DCAF4: variants seen among roughly 807,000 people sequenced by gnomAD.
DCAF4 encodes the protein DDB1 and CUL4 associated factor 4.
DCAF4 carries 37 observed loss-of-function variants against 60.9 expected under a neutral mutation model. The ratio of observed to expected loss-of-function variants is 0.61; its 90% CI spans 0.47 to 0.80. DCAF4 has a LOEUF of 0.80. Among genes scored for constraint, DCAF4 ranks in the 30% least tolerant of loss-of-function variants. The pLI is 0.00. For synonymous variants in DCAF4, 243 were observed against 254.8 expected (o/e 0.95, Z 0.44); for missense variants, 577 against 650.0 (o/e 0.89, Z 1.22).
At position 72,958,727 on chromosome 14, in the gene DCAF4, G is replaced by A. The variant is rs146264573; in HGVS notation, c.1410G>A (p.Ser470=). ...KADIPSVAFS[S]RLGGSRGAPG... ...ACATTCCCAGTGTGGCCTTCTCGTC[G>A]CGGCTGGGGGGCTCCCGGGGCGCGC... is the stretch of plus-strand genomic sequence containing the variant. The change falls in exon 14 of 14, where the codon TCG becomes TCA. Residue 470 remains serine (S), a synonymous_variant. Transcript: ENST00000358377. The A allele has an allele frequency of 2.4e-3, 3,875 of 1,613,344 alleles. 6 individuals carry two copies. The highest frequency in any genetic ancestry group is 3.0e-3 in the Non-Finnish European group (3,530 of 1,179,700).
chr14:72,955,372 C>G (rs1444558320), intron 11 of DCAF4, 151 bp from the exon 12 acceptor site: 3 of 893,698 alleles, frequency 3.4e-6, no homozygotes, highest in Non-Finnish European at 5.2e-6. Context: ...TCCCTTCCAA[C>G]TCCATTGAGA....
At position 72,959,629 on chromosome 14, in the gene DCAF4, A is replaced by G. The variant is rs972127272; in HGVS notation, c.*824A>G. The stretch of plus-strand genomic sequence containing the variant: ...AAAGAGCCTGTTTTTCTACCAAACA[A>G]TAAAACCAAGAGAAGAATCATGGTG... On this transcript the variant is annotated 3_prime_UTR_variant, in exon 14 of 14. Transcript: ENST00000358377. The G allele has an allele frequency of 2.0e-6, 2 of 985,348 alleles. No homozygotes were observed. Among genetic ancestry groups the G allele is most frequent in the Middle Eastern group, 5.2e-4 (1 of 1,936 alleles). The allele number at this position is 985,348 out of a possible 1,614,324, so 61.0% of individuals were successfully genotyped here. A position where few individuals can be genotyped will look rare whatever the true frequency, so the allele number is the denominator to read the frequency against.
downstream of DCAF4, among the ~76,000 whole-genome samples, chr14:72,961,616 C>T (rs189497412): frequency 1.7e-4 from 26 of 152,368 alleles, no homozygotes; most frequent in East Asian, 4.4e-3. Context: ...ACAGTCTTCC[C>T]GCAATTATTC....
At chr14:72,942,913 G>A (rs746769933) in intron 5 of DCAF4, 81 bp from the exon 6 acceptor site, 212 of 1,291,216 alleles carry the variant, frequency 1.6e-4, no homozygotes, top group Non-Finnish European at 2.2e-4. Flanking sequence ...GCGTCAGCGG[G>A]GCAGGGAAGG....
intron 1 of DCAF4, among the ~76,000 whole-genome samples, chr14:72,937,339 T>C (rs1297399915): frequency 2.0e-5 from 3 of 151,684 alleles, no homozygotes; most frequent in Non-Finnish European, 2.9e-5. Flanking sequence ...AGAAGACAAT[T>C]AGTAAAGGCA....
At position 72,959,269 on chromosome 14, in the gene DCAF4, G is replaced by A. The variant is rs922210880; in HGVS notation, c.*464G>A. 14 of 986,558 alleles carry A rather than the reference G, an allele frequency of 1.4e-5. No individual in the cohort carries two copies. In the East Asian group the frequency reaches 4.5e-4, roughly 32 times the overall value. The allele number at this position is 986,558 out of a possible 1,614,324, so 61.1% of individuals were successfully genotyped here. The stretch of plus-strand genomic sequence containing the variant: ...ACTTGGGGAAGCCAGCGGAGAGGAC[G>A]GGGAGGTTACTTCTCTAAGTTTCTG... On this transcript the variant is annotated 3_prime_UTR_variant, in exon 14 of 14. Coordinates refer to ENST00000358377, the MANE Select transcript of DCAF4 (RefSeq NM_015604.4).
At chr14:72,949,139 C>T (rs1188697216) in intron 8 of DCAF4, among the ~76,000 whole-genome samples, 1 of 152,180 alleles carries the variant, frequency 6.6e-6, no homozygotes, top group Non-Finnish European at 1.5e-5. Context: ...ATACACATCA[C>T]ATACTCAGAT....
At position 72,940,583 on chromosome 14, in the gene DCAF4, G is replaced by A. The variant is rs912275023; in HGVS notation, c.351+206G>A. 90 of 402,768 alleles carry A rather than the reference G, an allele frequency of 2.2e-4. 1 individual carries two copies. The highest frequency in any genetic ancestry group is 4.7e-4 in the Admixed American group (10 of 21,364). The allele number at this position is 402,768 out of a possible 1,614,324, so 24.9% of individuals were successfully genotyped here. ...TTCTTCCATCCCCGTTTTCTTGTTC[G>A]ATAAGTTGTTTTTTTTTTTTTTTTT... On this transcript the variant is annotated intron_variant, in intron 4 of 13. Transcript: ENST00000358377.
In DCAF4 at chr14:72,939,903, G is replaced by C; in HGVS notation, c.193+1G>C. On this transcript the variant is annotated splice_donor_variant, in intron 3 of 13. Coordinates refer to ENST00000358377, the MANE Select transcript of DCAF4 (RefSeq NM_015604.4). LOFTEE classifies it high-confidence loss of function. ...ACAGCTGGGACCTCCTCTGTGCCAG[G>C]TAAGGCCACTTGCGGGGTGGGAATC... 1 of 1,602,942 alleles carries C rather than the reference G, an allele frequency of 6.2e-7. No homozygotes were observed. Among genetic ancestry groups the C allele is most frequent in the Non-Finnish European group, 8.5e-7 (1 of 1,174,910 alleles).
At position 72,945,928 on chromosome 14, in the gene DCAF4, A is replaced by C. The variant is rs373154341; in HGVS notation, c.579A>C (p.Lys193Asn). ...SDRLFTVNDV[K>N]VGGSKYGIIN... ...GGCTCTTCACAGTGAACGATGTTAA[A>C]GTTGGAGGCTCCAAGTATGGTATCA... The change falls in exon 7 of 14, where the codon AAA becomes AAC. Residue 193 changes from lysine to asparagine, a missense_variant. By Grantham distance (94) the Lys-to-Asn change is moderately conservative. Coordinates refer to ENST00000358377, the MANE Select transcript of DCAF4 (RefSeq NM_015604.4). The C allele has an allele frequency of 6.2e-6, 10 of 1,614,082 alleles. No homozygotes were observed. The highest frequency in any genetic ancestry group is 8.5e-6 in the Non-Finnish European group (10 of 1,180,044).
intron 1 of DCAF4, among the ~76,000 whole-genome samples, chr14:72,936,563 CAAAAA>C: frequency 7.7e-6 from 1 of 129,584 alleles, no homozygotes; most frequent in South Asian, 2.5e-4. Context: ...GACTCCATCT[CAAAAA>C]AAAAAAAAAA....
In DCAF4 at chr14:72,931,883, G is replaced by A. The variant is rs145397061; in HGVS notation, c.-9+5340G>A. ...TCTGAGATAAATCGCGCTTGGTCTT[G>A]GTATATAATTCTTTTTATATGCTCC... On this transcript the variant is annotated intron_variant, in intron 1 of 13. Transcript: ENST00000358377. Among the ~76,000 whole-genome samples, 905 of 151,850 alleles carry A rather than the reference G, an allele frequency of 6.0e-3. 8 individuals carry two copies. The highest frequency in any genetic ancestry group is 0.021 in the African/African-American group (868 of 41,416).
At chr14:72,961,191 C>A (rs1463660761), downstream of DCAF4, among the ~76,000 whole-genome samples, 1 of 152,104 alleles carries the variant, frequency 6.6e-6, no homozygotes, top group Non-Finnish European at 1.5e-5. Context: ...AGACACTTCT[C>A]ACCCTCACAC....
downstream of DCAF4, among the ~76,000 whole-genome samples, chr14:72,960,359 A>G (rs1050951577): frequency 2.0e-5 from 3 of 152,122 alleles, no homozygotes; most frequent in African/African-American, 7.2e-5. Flanking sequence ...CATGTTGGTC[A>G]GGCTGGCCTC....
Position 72,958,973 on chromosome 14 carries a change from A to C in DCAF4, c.*168A>C, listed in dbSNP as rs7144738. On this transcript the variant is annotated 3_prime_UTR_variant, in exon 14 of 14. Transcript: ENST00000358377. ...ATGTTCCGTGTGGAGATGCTCAGGAAAGTTATTTGAGTTAAATTGCTGGCT... is the reference window on the plus strand; with the variant it reads ...ATGTTCCGTGTGGAGATGCTCAGGACAGTTATTTGAGTTAAATTGCTGGCT... 358,461 of 1,290,090 alleles carry C rather than the reference A, an allele frequency of 0.28. 51,298 individuals carry two copies. Among genetic ancestry groups the C allele is most frequent in the South Asian group, 0.46 (17,042 of 36,966 alleles). 79.9% of individuals were successfully genotyped at this position (1,290,090 alleles called of 1,614,324 possible).
At chr14:72,951,706 T>C in intron 8 of DCAF4, 92 bp from the exon 9 acceptor site, 2 of 1,204,802 alleles carry the variant, frequency 1.7e-6, no homozygotes, top group South Asian at 2.5e-5. Context: ...CTGGCCTAGG[T>C]TGTGTGCCGT....
At chr14:72,929,468 A>G (rs1888215399) in intron 1 of DCAF4, 1 of 614,878 alleles carries the variant, frequency 1.6e-6, no homozygotes, top group Admixed American at 2.6e-5. Flanking sequence ...GCGCCAAGGC[A>G]GGAGGATCGC....
At chr14:72,934,473 A>G (rs1888998539) in intron 1 of DCAF4, among the ~76,000 whole-genome samples, 1 of 152,044 alleles carries the variant, frequency 6.6e-6, no homozygotes, top group Admixed American at 6.6e-5. Flanking sequence ...TATTTTTAGT[A>G]GAGTTGGGGT....
chr14:72,946,983 C>T (rs1157768691), intron 7 of DCAF4, among the ~76,000 whole-genome samples, 159 bp from the exon 8 acceptor site: 2 of 152,208 alleles, frequency 1.3e-5, no homozygotes. Flanking sequence ...TACTTCCTGT[C>T]CTGCTTAAGC....
Sources: allele counts gnomAD v4.1 joint callset (sites outside exome capture counted in the v4.1 genomes callset), GRCh38; gene constraint gnomAD v4.1.1; transcripts MANE v1.5; gene names NCBI Gene and HGNC (gene_info 2026-07-23, HGNC 2026-07-21).